The following DLGAP1 variants were observed in gnomAD, a reference collection of about 807,000 sequenced individuals.
The protein encoded by DLGAP1 is DLG associated protein 1.
A neutral mutation model predicts 90.8 loss-of-function variants in DLGAP1; 11 were observed. The ratio of observed to expected loss-of-function variants is 0.12; its 90% CI spans 0.08 to 0.20. The LOEUF is 0.20. Among genes scored for constraint, DLGAP1 ranks in the 10% least tolerant of loss-of-function variants. The probability of loss-of-function intolerance (pLI) is 1.00; values close to 1 mark genes in which losing one functional copy is unlikely to be tolerated. For synonymous variants in DLGAP1, 558 were observed against 540.7 expected (o/e 1.03, Z -0.44); for missense variants, 1,050 against 1,333.8 (o/e 0.79, Z 3.31).
intron 2 of DLGAP1, among the ~76,000 whole-genome samples, chr18:4,053,064 C>T (rs2075159291): frequency 6.6e-6 from 1 of 152,200 alleles, no homozygotes; most frequent in Non-Finnish European, 1.5e-5. Context: ...TCAACCTCTG[C>T]CTGTTACCCA....
At chr18:3,982,212 C>A (rs2073746288) in intron 3 of DLGAP1, among the ~76,000 whole-genome samples, 1 of 152,110 alleles carries the variant, frequency 6.6e-6, no homozygotes, top group South Asian at 2.1e-4. Flanking sequence ...GGATCTTAAC[C>A]ATTTTTCACT....
At chr18:3,598,429 G>C (rs989591549) in intron 7 of DLGAP1, 9 of 149,758 alleles carry the variant, frequency 6.0e-5, no homozygotes, top group African/African-American at 2.2e-4. Flanking sequence ...AGAAGAACTT[G>C]TCCAGGTGAC....
At chr18:4,363,598 C>T (rs1263600053) in intron 1 of DLGAP1, among the ~76,000 whole-genome samples, 3 of 152,222 alleles carry the variant, frequency 2.0e-5, no homozygotes, top group Admixed American at 6.5e-5. Context: ...GGGCGAAGGA[C>T]ATGAACAGAC....
rs985462656 is a variant in DLGAP1 at position 4,188,154 on chromosome 18, ACCAATTTTTG to A, written c.-266-36877_-266-36868del. 2.1e-4 allele frequency among the ~76,000 whole-genome samples: 32 copies of A among 152,232 alleles called. 2 individuals are homozygous for A. Among genetic ancestry groups the A allele is most frequent in the Admixed American group, 3.9e-4 (6 of 15,284 alleles). On this transcript the variant is annotated intron_variant, in intron 1 of 12. Coordinates refer to ENST00000315677, the MANE Select transcript of DLGAP1 (RefSeq NM_004746.4). Reference sequence around the variant, plus strand: ...TGATAAAATTTCAAAAATTTATGTTACCAATTTTTGTATTTCCGTGCTCTAATTGGTTTCA... The same window carrying A: ...TGATAAAATTTCAAAAATTTATGTTATATTTCCGTGCTCTAATTGGTTTCA...
At chr18:3,568,520 G>A (rs1427960913) in intron 8 of DLGAP1, among the ~76,000 whole-genome samples, 1 of 151,964 alleles carries the variant, frequency 6.6e-6, no homozygotes, top group East Asian at 1.9e-4. Context: ...ATGTGTTTAA[G>A]AAATGTTGTC....
intron 6 of DLGAP1, among the ~76,000 whole-genome samples, chr18:3,732,119 C>T (rs1003502729): frequency 1.3e-5 from 2 of 152,166 alleles, no homozygotes; most frequent in Non-Finnish European, 2.9e-5. Flanking sequence ...TTGTTTGCCC[C>T]ATAGAGGTTC....
chr18:3,580,691 C>T, intron 8 of DLGAP1: 1 of 1,613,108 alleles, frequency 6.2e-7, no homozygotes, highest in East Asian at 2.2e-5. Flanking sequence ...CGACGGTGGC[C>T]ACAATGATCA....
intron 1 of DLGAP1, among the ~76,000 whole-genome samples, chr18:4,386,274 A>G (rs1241975520): frequency 2.6e-5 from 4 of 152,198 alleles, no homozygotes; most frequent in African/African-American, 9.6e-5. Flanking sequence ...TGAAGGCTAG[A>G]TCCTGTAATT....
chr18:3,826,275 T>G (rs2067708007), intron 4 of DLGAP1, among the ~76,000 whole-genome samples: 1 of 152,056 alleles, frequency 6.6e-6, no homozygotes, highest in African/African-American at 2.4e-5. Context: ...GAATCTAAAG[T>G]TAAAAAATAA....
At chr18:4,364,685 T>C (rs562329514) in intron 1 of DLGAP1, among the ~76,000 whole-genome samples, 1 of 152,294 alleles carries the variant, frequency 6.6e-6, no homozygotes, top group East Asian at 1.9e-4. Flanking sequence ...GGTTACTTCA[T>C]GTCTTCTGCT....
At chr18:4,079,287 TCACACACACACACACACACACACACACA>T (rs6146196) in intron 2 of DLGAP1, among the ~76,000 whole-genome samples, 2 of 142,510 alleles carry the variant, frequency 1.4e-5, no homozygotes, top group African/African-American at 5.3e-5. Flanking sequence ...AAAGAAAATG[TCACACACACACACACACACACACACACA>T]CACACACACA....
At chr18:3,664,066 A>G (rs2059781839) in intron 7 of DLGAP1, among the ~76,000 whole-genome samples, 1 of 152,100 alleles carries the variant, frequency 6.6e-6, no homozygotes, top group Non-Finnish European at 1.5e-5. Flanking sequence ...ATTGTTCTCC[A>G]TGTTCTCAGG....
intron 1 of DLGAP1, among the ~76,000 whole-genome samples, chr18:4,425,439 C>T (rs56881295): frequency 0.014 from 2,119 of 152,198 alleles, 51 homozygotes; most frequent in African/African-American, 0.046. Context: ...CGTAGTGGTA[C>T]AGTCATGATG....
intron 7 of DLGAP1, among the ~76,000 whole-genome samples, chr18:3,617,562 G>A (rs1040616661): frequency 1.4e-5 from 2 of 144,754 alleles, no homozygotes; most frequent in Non-Finnish European, 3.0e-5. Flanking sequence ...TTGCACTTCA[G>A]CCTGGGCAAC....
chr18:4,084,560 C>T lies in DLGAP1; in HGVS notation c.-159+66620G>A, dbSNP rs1377030122. 6.6e-6 allele frequency among the ~76,000 whole-genome samples: 1 copy of T among 152,140 alleles called. No individual in the cohort carries two copies. The highest frequency in any genetic ancestry group is 6.5e-5 in the Admixed American group (1 of 15,274). ...CCCTATACCCACAGGACAGGAGCAT[C>T]GTTATCTCTAAGACTCAGGGACACA... On this transcript the variant is annotated intron_variant, in intron 2 of 12. Coordinates refer to ENST00000315677, the MANE Select transcript of DLGAP1 (RefSeq NM_004746.4). The surrounding 1 kb of genome is among the most constrained non-coding windows in gnomAD (Gnocchi z 4.0).
In DLGAP1 at chr18:3,775,829, T is replaced by C. The variant is rs2064914913; in HGVS notation, c.1173-33317A>G. Among the ~76,000 whole-genome samples, 1 of 152,206 alleles carries C rather than the reference T, an allele frequency of 6.6e-6. No homozygotes were observed. Among genetic ancestry groups the C allele is most frequent in the African/African-American group, 2.4e-5 (1 of 41,450 alleles). Reference sequence around the variant, plus strand: ...GAACATTAGTTATATTCCAGAGGCTTGCTACCTTCTTTCCCCTTCCCAGAG... The same window carrying C: ...GAACATTAGTTATATTCCAGAGGCTCGCTACCTTCTTTCCCCTTCCCAGAG... On this transcript the variant is annotated intron_variant, in intron 5 of 12. Transcript: ENST00000315677. This position sits in a 1 kb window ranked among gnomAD's most constrained non-coding sequence, Gnocchi z 4.9.
intron 1 of DLGAP1, among the ~76,000 whole-genome samples, chr18:4,156,347 T>G (rs960417929): frequency 6.6e-6 from 1 of 152,138 alleles, no homozygotes; most frequent in African/African-American, 2.4e-5. Context: ...CACAGATGAT[T>G]ATATAAGGAT....
intron 3 of DLGAP1, chr18:3,995,102 G>T (rs548247349): frequency 1.3e-5 from 2 of 148,496 alleles, no homozygotes; most frequent in South Asian, 2.2e-4. Context: ...TTTAGAAAAT[G>T]TTAATAAGTT....
At chr18:4,250,848 A>T (rs1172744323) in intron 1 of DLGAP1, among the ~76,000 whole-genome samples, 1 of 152,214 alleles carries the variant, frequency 6.6e-6, no homozygotes, top group East Asian at 1.9e-4. Context: ...AGCTGAAAAA[A>T]GAAAATAAAA....
Sources: allele counts gnomAD v4.1 joint callset (sites outside exome capture counted in the v4.1 genomes callset), GRCh38; gene constraint gnomAD v4.1.1; non-coding constraint Gnocchi (gnomAD v3.1); transcripts MANE v1.5; gene names NCBI Gene and HGNC (gene_info 2026-07-23, HGNC 2026-07-21).